Variants in DLGAP2 observed in about 807,000 individuals in gnomAD.
DLGAP2 encodes the protein DLG associated protein 2, also known as disks large-associated protein 2.
A neutral mutation model predicts 100.3 loss-of-function variants in DLGAP2; 26 were observed. The observed-to-expected ratio is 0.26, with a 90% CI of 0.19 to 0.36. The LOEUF (loss-of-function observed/expected upper bound fraction) is 0.36, where lower values mean the gene tolerates loss of function less well. Among genes scored for constraint, DLGAP2 ranks in the 10% least tolerant of loss-of-function variants. DLGAP2 has a pLI of 1.00. For synonymous variants in DLGAP2, 886 were observed against 630.1 expected, an observed-to-expected ratio of 1.41 and a Z score of -6.08; for missense variants, 1,858 against 1,453.2, an observed-to-expected ratio of 1.28 and a Z score of -4.53.
chr8:913,085 A>C (rs1445138759), intron 2 of DLGAP2, among the ~76,000 whole-genome samples: 1 of 152,178 alleles, frequency 6.6e-6, no homozygotes, highest in Non-Finnish European at 1.5e-5. Flanking sequence ...AGGTTGAGCA[A>C]ATTTTTTTTG....
At chr8:762,230 C>G (rs953553994) in intron 1 of DLGAP2, among the ~76,000 whole-genome samples, 1 of 152,018 alleles carries the variant, frequency 6.6e-6, no homozygotes, top group South Asian at 2.1e-4. Flanking sequence ...AAAAAGCCCA[C>G]TCTTACCATG....
intron 1 of DLGAP2, among the ~76,000 whole-genome samples, chr8:782,236 T>C (rs1045973041): frequency 1.4e-5 from 2 of 140,886 alleles, no homozygotes; most frequent in Non-Finnish European, 3.3e-5. Flanking sequence ...TTAAAAAAAA[T>C]TAAAAAAAAA....
At chr8:1,119,766 G>A (rs529785022) in intron 2 of DLGAP2, among the ~76,000 whole-genome samples, 57 of 152,346 alleles carry the variant, frequency 3.7e-4, no homozygotes, top group African/African-American at 1.3e-3. Context: ...GACCACAGCT[G>A]CCTCTAGAGT....
At chr8:1,573,933 G>A (rs560551033) in intron 6 of DLGAP2, among the ~76,000 whole-genome samples, 11 of 152,244 alleles carry the variant, frequency 7.2e-5, no homozygotes, top group African/African-American at 2.4e-4. Context: ...CATAAGTGGC[G>A]TAGGTAACTT....
At chr8:1,187,293 T>TCC in intron 2 of DLGAP2, among the ~76,000 whole-genome samples, 1 of 150,006 alleles carries the variant, frequency 6.7e-6, no homozygotes, top group African/African-American at 2.5e-5. Context: ...TCATGGAATC[T>TCC]CACATGCCCG....
intron 8 of DLGAP2, among the ~76,000 whole-genome samples, chr8:1,645,431 G>C (rs554300530): frequency 3.2e-4 from 48 of 152,332 alleles, no homozygotes; most frequent in African/African-American, 1.1e-3. Flanking sequence ...GCTAAGTTAC[G>C]ATGTTTGGTG....
chr8:1,151,472 G>A (rs1374699573), intron 2 of DLGAP2, among the ~76,000 whole-genome samples: 4 of 152,172 alleles, frequency 2.6e-5, no homozygotes, highest in Non-Finnish European at 4.4e-5. Flanking sequence ...CGGTGAACAC[G>A]TGCGAAGATG....
In DLGAP2 at chr8:1,336,433, G is replaced by A. The variant is rs188268709; in HGVS notation, c.106+77550G>A. Among the ~76,000 whole-genome samples the A allele has an allele frequency of 1.3e-3, 193 of 152,230 alleles. 1 individual carries two copies. The highest frequency in any genetic ancestry group is 2.2e-3 in the Non-Finnish European group (151 of 68,010). On this transcript the variant is annotated intron_variant, in intron 3 of 14. Coordinates refer to ENST00000637795, the MANE Select transcript of DLGAP2 (RefSeq NM_001346810.2). The stretch of plus-strand genomic sequence containing the variant: ...ATCCACAGGCTGTCAAGAACCGGCC[G>A]GTAGAAGTCTGGGCTCTTTCCCTCG...
intron 6 of DLGAP2, among the ~76,000 whole-genome samples, chr8:1,576,916 C>T (rs1048548865): frequency 6.6e-6 from 1 of 152,132 alleles, no homozygotes; most frequent in Non-Finnish European, 1.5e-5. Flanking sequence ...TTGGAAAAAA[C>T]TACTTTAAAG....
At chr8:1,155,982 TC>T (rs1207276833) in intron 2 of DLGAP2, among the ~76,000 whole-genome samples, 57 of 151,830 alleles carry the variant, frequency 3.8e-4, no homozygotes, top group African/African-American at 1.3e-3. Flanking sequence ...CCTGACGGAG[TC>T]CCCGTCGCAG....
At chr8:1,277,024 G>A (rs1423624971) in intron 3 of DLGAP2, among the ~76,000 whole-genome samples, 1 of 151,988 alleles carries the variant, frequency 6.6e-6, no homozygotes, top group African/African-American at 2.4e-5. Context: ...TACTGAATTG[G>A]TCCCCTTTTC....
At chr8:1,410,086 C>T (rs528990314) in intron 3 of DLGAP2, among the ~76,000 whole-genome samples, 14 of 152,156 alleles carry the variant, frequency 9.2e-5, no homozygotes, top group Non-Finnish European at 1.5e-4. Flanking sequence ...ACAAGCCAAG[C>T]GGTGTCCTCC....
intron 3 of DLGAP2, among the ~76,000 whole-genome samples, chr8:1,478,519 A>G (rs1251298782): frequency 1.3e-5 from 2 of 151,974 alleles, no homozygotes; most frequent in Non-Finnish European, 1.5e-5. Context: ...TCCTTTCTCT[A>G]TTCCTCTCTC....
At chr8:1,226,625 A>T (rs1473245854) in intron 2 of DLGAP2, among the ~76,000 whole-genome samples, 1 of 152,200 alleles carries the variant, frequency 6.6e-6, no homozygotes, top group Non-Finnish European at 1.5e-5. Context: ...CTGAAAAAAT[A>T]AATGAAATAT....
At chr8:1,490,787 C>A (rs1213232867) in intron 3 of DLGAP2, among the ~76,000 whole-genome samples, 1 of 151,900 alleles carries the variant, frequency 6.6e-6, no homozygotes, top group Non-Finnish European at 1.5e-5. Context: ...CCTAAAAGGT[C>A]CCCAGGGTTA....
chr8:1,697,268 A>G lies in DLGAP2; in HGVS notation c.2918A>G (p.Asp973Gly), dbSNP rs1322418712. ...GAGCTGCAGCGGCTGCGGCTCAACGACTGGAAGATGATGGAGTCCCCGGAA... is the reference window on the plus strand; with the variant it reads ...GAGCTGCAGCGGCTGCGGCTCAACGGCTGGAAGATGATGGAGTCCCCGGAA... ...FDELQRLRLN[D>G]WKMMESPERK... The change falls in exon 14 of 15, where the codon GAC (aspartate) becomes GGC (glycine). Residue 973 changes from aspartate to glycine, a missense_variant. Coordinates refer to ENST00000637795, the MANE Select transcript of DLGAP2 (RefSeq NM_001346810.2). 1 of 1,609,628 alleles carries G rather than the reference A, an allele frequency of 6.2e-7. No homozygotes were observed. Among genetic ancestry groups the G allele is most frequent in the South Asian group, 1.1e-5 (1 of 90,772 alleles).
chr8:1,587,650 T>G (rs772863966), intron 6 of DLGAP2, among the ~76,000 whole-genome samples: 2 of 137,988 alleles, frequency 1.4e-5, no homozygotes, highest in Admixed American at 6.8e-5. Flanking sequence ...AAGGGGTGAA[T>G]GAATGAAATG....
intron 4 of DLGAP2, among the ~76,000 whole-genome samples, chr8:1,506,874 A>G (rs971272818): frequency 6.6e-6 from 1 of 152,184 alleles, no homozygotes; most frequent in Middle Eastern, 3.2e-3. Flanking sequence ...AGATTGGTGC[A>G]TTTACAAACC....
chr8:1,192,209 C>T (rs1023607867), intron 2 of DLGAP2, among the ~76,000 whole-genome samples: 3 of 152,150 alleles, frequency 2.0e-5, no homozygotes, highest in African/African-American at 7.2e-5. Context: ...TATGATCAAC[C>T]ACAGCCAGGG....
Sources: allele counts gnomAD v4.1 joint callset (sites outside exome capture counted in the v4.1 genomes callset), GRCh38; gene constraint gnomAD v4.1.1; transcripts MANE v1.5; gene names NCBI Gene and HGNC (gene_info 2026-07-23, HGNC 2026-07-21).